The following RIC1 variants were observed in gnomAD, a reference collection of about 807,000 sequenced individuals.
RIC1 encodes RIC1 partner of RAB6A GEF complex.
A neutral mutation model predicts 169.0 loss-of-function variants in RIC1; 88 were observed. The ratio of observed to expected loss-of-function variants is 0.52; its 90% CI spans 0.44 to 0.62. The LOEUF (loss-of-function observed/expected upper bound fraction) is 0.62. RIC1 is among the 20% of genes least tolerant of loss of function. RIC1 has a pLI of 0.00. For synonymous variants in RIC1, 790 were observed against 601.5 expected (o/e 1.31, Z -4.59); for missense variants, 1,877 against 1,725.5 (o/e 1.09, Z -1.56).
intron 3 of RIC1, among the ~76,000 whole-genome samples, chr9:5,701,851 C>G (rs1822242100): frequency 6.6e-6 from 1 of 152,042 alleles, no homozygotes; most frequent in Non-Finnish European, 1.5e-5. Context: ...TGACTGGGAT[C>G]AAAAGCAAAG....
chr9:5,737,019 G>T (rs1824756108), intron 7 of RIC1, among the ~76,000 whole-genome samples: 2 of 150,960 alleles, frequency 1.3e-5, no homozygotes, highest in Admixed American at 1.3e-4. Flanking sequence ...TCATAAACCA[G>T]TGTCATCCTA....
At chr9:5,713,815 C>CT in intron 3 of RIC1, 81 bp from the exon 4 acceptor site, 2 of 800,024 alleles carry the variant, frequency 2.5e-6, no homozygotes, top group Middle Eastern at 2.4e-4. Flanking sequence ...ATTTCATTTA[C>CT]TTTATTTGAT....
rs1401354207 is a variant in RIC1, at chr9:5,776,547, CA to C, written c.*2302del. ...TCCCCTTGGTAAAGGGCAATAAAAC[CA>C]TTACACAAACTTTGGTTTATTCATC... On this transcript the variant is annotated 3_prime_UTR_variant, in exon 26 of 26. Transcript: ENST00000414202. The C allele has an allele frequency of 1.3e-5, 2 of 151,904 alleles. No homozygotes were observed. The highest frequency in any genetic ancestry group is 3.8e-4 in the East Asian group (2 of 5,202). The allele number at this position is 151,904 out of a possible 1,614,324, so 9.4% of individuals were successfully genotyped here. A position where few individuals can be genotyped will look rare whatever the true frequency, so the allele number is the denominator to read the frequency against.
chr9:5,720,597 C>T lies in RIC1; in HGVS notation c.584-17C>T, dbSNP rs370202465. 9 of 1,571,274 alleles carry T rather than the reference C, an allele frequency of 5.7e-6. No homozygotes were observed. The highest frequency in any genetic ancestry group is 6.0e-6 in the Non-Finnish European group (7 of 1,166,084). On this transcript the variant is annotated splice_polypyrimidine_tract_variant and intron_variant, in intron 5 of 25. Transcript: ENST00000414202. ...TATATTCTTAATCCTATTTCATGTG[C>T]TTATTTTTTTCATCAGTAGGTTCAT... is the stretch of plus-strand genomic sequence containing the variant.
At position 5,693,175 on chromosome 9, in the gene RIC1, G is replaced by C. The variant is rs990760560; in HGVS notation, c.332+3137G>C. Among the ~76,000 whole-genome samples the C allele has an allele frequency of 1.1e-4, 17 of 152,176 alleles. No homozygotes were observed. The East Asian group carries it at 1.7e-3, about 16-fold the overall frequency. On this transcript the variant is annotated intron_variant, in intron 3 of 25. Transcript: ENST00000414202. ...AGGCAGTATAATTACTGAGGCCAGT[G>C]GTTAATCATCCTCTTCTCACTTAGT...
rs551021329 is a variant in RIC1, at chr9:5,645,468, T to C, written c.145-11115T>C. Among the ~76,000 whole-genome samples the C allele has an allele frequency of 2.6e-5, 4 of 152,376 alleles. No individual in the cohort carries two copies. In the South Asian group the frequency reaches 8.3e-4, roughly 32 times the overall value. ...AGCATTAAGTACATTCACATTATCA[T>C]GTAACCATTACCACCATCAGTATCC... On this transcript the variant is annotated intron_variant, in intron 1 of 25. Transcript: ENST00000414202.
intron 3 of RIC1, 39 bp downstream of exon 3, chr9:5,690,077 G>A (rs547519856): frequency 1.5e-6 from 2 of 1,323,812 alleles, no homozygotes; most frequent in Admixed American, 2.2e-5. Context: ...TATGTGATTT[G>A]CATACTTTAT....
chr9:5,645,205 C>T (rs1272160764), intron 1 of RIC1, among the ~76,000 whole-genome samples: 1 of 152,116 alleles, frequency 6.6e-6, no homozygotes, highest in East Asian at 1.9e-4. Flanking sequence ...AGATGCCCAA[C>T]AGCATGCCTC....
chr9:5,683,037 C>G (rs1325659108), intron 2 of RIC1, among the ~76,000 whole-genome samples: 1 of 152,158 alleles, frequency 6.6e-6, no homozygotes, highest in Non-Finnish European at 1.5e-5. Context: ...GGACTTCTCT[C>G]CATTGGTTAT....
intron 3 of RIC1, among the ~76,000 whole-genome samples, chr9:5,706,181 G>C (rs953238378): frequency 6.6e-6 from 1 of 152,140 alleles, no homozygotes; most frequent in African/African-American, 2.4e-5. Flanking sequence ...TTAGAAGTCC[G>C]GGGATGGTGG....
intron 2 of RIC1, among the ~76,000 whole-genome samples, chr9:5,670,822 T>A (rs1323792818): frequency 6.6e-6 from 1 of 152,068 alleles, no homozygotes; most frequent in East Asian, 1.9e-4. Flanking sequence ...TTCCCCAATA[T>A]TTGGAGGCTA....
chr9:5,756,229 A>G lies in RIC1; in HGVS notation c.1710A>G (p.Arg570=). The G allele has an allele frequency of 6.4e-7, 1 of 1,572,118 alleles. No homozygotes were observed. The highest frequency in any genetic ancestry group is 1.4e-5 in the African/African-American group (1 of 73,806). ...TTCTTCAGCTTAGAGTATACTTGCG[A>G]ACATCAAATCTGGACAATGCCTTTG... ...DRQEELRVYL[R]TSNLDNAFAH... Residue 570 remains arginine (R), a synonymous_variant, in exon 16 of 26, where the codon CGA becomes CGG. Coordinates refer to ENST00000414202, the MANE Select transcript of RIC1 (RefSeq NM_020829.4).
chr9:5,767,674 G>T (rs1033325940), intron 21 of RIC1, among the ~76,000 whole-genome samples: 12 of 152,056 alleles, frequency 7.9e-5, no homozygotes, highest in Middle Eastern at 3.4e-3. Context: ...CGCAATCTCC[G>T]CCTCCCAGGT....
In RIC1 at chr9:5,679,653, G is replaced by A. The variant is rs1820691730; in HGVS notation, c.253-10306G>A. On this transcript the variant is annotated intron_variant, in intron 2 of 25. Transcript: ENST00000414202. ...TTGGCTCTGTGTTTGTCTGTTATTG[G>A]TGTATAAGAATGCTTGTGATTTTTG... Among the ~76,000 whole-genome samples, 4 of 152,262 alleles carry A rather than the reference G, an allele frequency of 2.6e-5. No individual in the cohort carries two copies. The South Asian group carries it at 8.3e-4, about 32-fold the overall frequency.
intron 3 of RIC1, among the ~76,000 whole-genome samples, chr9:5,699,184 C>T (rs572837241): frequency 2.9e-4 from 44 of 152,316 alleles, no homozygotes; most frequent in African/African-American, 1.0e-3. Context: ...TGATCCCTGG[C>T]CAGGGCCACT....
At chr9:5,655,382 C>T (rs1473285548) in intron 1 of RIC1, among the ~76,000 whole-genome samples, 1 of 152,146 alleles carries the variant, frequency 6.6e-6, no homozygotes, top group Non-Finnish European at 1.5e-5. Context: ...CTCACTGCAA[C>T]CTCCACCTCT....
rs976946223 is a variant in RIC1 at position 5,747,434 on chromosome 9, T to A, written c.1381T>A (p.Phe461Ile). 9.3e-6 allele frequency: 15 copies of A among 1,614,098 alleles called. No homozygotes were observed. The highest frequency in any genetic ancestry group is 1.1e-5 in the Non-Finnish European group (13 of 1,179,960). Residue 461 changes from phenylalanine to isoleucine, a missense_variant, in exon 12 of 26, where the codon TTT becomes ATT. Phe to Ile is a conservative substitution (Grantham distance 21, BLOSUM62 0). Transcript: ENST00000414202. Reference protein sequence around the residue: ...EHKPSREKSPFADGGLESQGL... With the variant: ...EHKPSREKSPIADGGLESQGL... ...TAAGCCCAGTCGAGAAAAGAGCCCA[T>A]TTGCAGATGGAGGTTTAGAGTCTCA...
chr9:5,704,618 C>G (rs921377848), intron 3 of RIC1, among the ~76,000 whole-genome samples: 8 of 151,878 alleles, frequency 5.3e-5, no homozygotes, highest in African/African-American at 1.7e-4. Flanking sequence ...TTTTTTTTCT[C>G]ATTGTCTGGG....
At chr9:5,768,510 AT>A (rs903911680) in intron 21 of RIC1, among the ~76,000 whole-genome samples, 1 of 152,142 alleles carries the variant, frequency 6.6e-6, no homozygotes, top group African/African-American at 2.4e-5. Flanking sequence ...ACTGGGTGAC[AT>A]TGTGAAACCT....
Sources: gnomAD v4.1 joint callset for allele counts (sites outside exome capture counted in the v4.1 genomes callset) on GRCh38, gnomAD v4.1.1 for gene constraint, MANE v1.5 for transcripts, NCBI Gene and HGNC (gene_info 2026-07-23, HGNC 2026-07-21) for gene names.